The following FEZ2 variants were observed in gnomAD, a reference collection of about 807,000 sequenced individuals.
The protein encoded by FEZ2 is fasciculation and elongation protein zeta-2.
Under a neutral mutation model 40.4 loss-of-function variants are expected in FEZ2, and 51 were observed. The ratio of observed to expected loss-of-function variants is 1.26; its 90% confidence interval spans 1.01 to 1.59. The LOEUF (loss-of-function observed/expected upper bound fraction) is 1.59. FEZ2 is among the 40% of genes most tolerant of loss of function. The probability of loss-of-function intolerance (pLI) is 0.00; values close to 1 mark genes in which losing one functional copy is unlikely to be tolerated. For synonymous variants in FEZ2, 242 were observed against 172.0 expected (o/e 1.41, Z -3.18); for missense variants, 640 against 438.3 (o/e 1.46, Z -4.11).
intron 5 of FEZ2, among the ~76,000 whole-genome samples, chr2:36,566,956 A>ACTCT (rs3841897): frequency 6.6e-6 from 1 of 150,462 alleles, no homozygotes; most frequent in South Asian, 2.1e-4. Flanking sequence ...ACACACACAC[A>ACTCT]CTCTCTCTCT....
intron 2 of FEZ2, among the ~76,000 whole-genome samples, chr2:36,587,218 C>A (rs988113832): frequency 7.9e-5 from 12 of 152,184 alleles, no homozygotes; most frequent in African/African-American, 2.9e-4. Context: ...TCCATGACAA[C>A]AGAAATGATC....
chr2:36,560,292 T>C (rs542112964), intron 5 of FEZ2, among the ~76,000 whole-genome samples: 1 of 152,312 alleles, frequency 6.6e-6, no homozygotes, highest in South Asian at 2.1e-4. Flanking sequence ...GACTATGCAA[T>C]ACACCTTAAA....
chr2:36,578,912 C>G (rs1225692460), intron 4 of FEZ2, 47 bp from the exon 5 acceptor site: 2 of 1,532,254 alleles, frequency 1.3e-6, no homozygotes, highest in Non-Finnish European at 1.8e-6. Context: ...AAAAACATTT[C>G]AAGGAAGCAA....
chr2:36,564,244 T>C (rs895937434), intron 5 of FEZ2, among the ~76,000 whole-genome samples: 6 of 152,240 alleles, frequency 3.9e-5, no homozygotes, highest in African/African-American at 9.6e-5. Context: ...TAATGGCCTA[T>C]TGACAAGCCT....
intron 5 of FEZ2, among the ~76,000 whole-genome samples, chr2:36,577,061 C>T (rs575741228): frequency 2.0e-5 from 3 of 152,242 alleles, no homozygotes; most frequent in Non-Finnish European, 2.9e-5. Flanking sequence ...ATATGAGATG[C>T]AAATGCAAAA....
chr2:36,597,038 T>A (rs1201381630), intron 1 of FEZ2, among the ~76,000 whole-genome samples: 1 of 152,118 alleles, frequency 6.6e-6, no homozygotes, highest in Non-Finnish European at 1.5e-5. Context: ...CTGTAATTAT[T>A]AATATTACTT....
chr2:36,555,519 T>C, intron 7 of FEZ2, 164 bp downstream of exon 7: 1 of 445,350 alleles, frequency 2.2e-6, no homozygotes, highest in Non-Finnish European at 4.1e-6. Flanking sequence ...CCATGATATA[T>C]AATGTTGGTA....
At position 36,590,999 on chromosome 2, in the gene FEZ2, G is replaced by T. The variant is rs200761995; in HGVS notation, c.279C>A (p.Ala93=). ...TCACATTCCCATAATTATCTGTCAG[G>T]GCATTCCAAATCCTTAAAAAGAAGA... ...SLLQGDEIWN[A]LTDNYGNVMP... Residue 93 remains alanine, a synonymous_variant, in exon 2 of 8, where the codon GCC becomes GCA. Transcript: ENST00000405912. 3.6e-3 allele frequency: 5,766 copies of T among 1,601,952 alleles called. 13 individuals are homozygous for T. The highest frequency in any genetic ancestry group is 4.5e-3 in the Non-Finnish European group (5,269 of 1,169,022).
chr2:36,596,997 G>C (rs1022341335), intron 1 of FEZ2, among the ~76,000 whole-genome samples: 2 of 152,050 alleles, frequency 1.3e-5, no homozygotes, highest in African/African-American at 4.8e-5. Flanking sequence ...ATAAAACCCC[G>C]TGAACCTCCT....
chr2:36,581,020 C>T (rs1185149836), intron 4 of FEZ2, among the ~76,000 whole-genome samples: 3 of 152,058 alleles, frequency 2.0e-5, no homozygotes, highest in Non-Finnish European at 4.4e-5. Flanking sequence ...GGCGTGGTGG[C>T]GGGCACCTGT....
At chr2:36,587,155 T>C (rs1668925386) in intron 2 of FEZ2, among the ~76,000 whole-genome samples, 1 of 152,226 alleles carries the variant, frequency 6.6e-6, no homozygotes. Flanking sequence ...AGATTTAGAA[T>C]AGGGTTATGG....
chr2:36,558,540 C>G, intron 5 of FEZ2, 27 bp from the exon 6 acceptor site: 1 of 1,379,308 alleles, frequency 7.3e-7, no homozygotes, highest in Non-Finnish European at 9.8e-7. Flanking sequence ...AAAAAAGTGT[C>G]ACTTAAATCG....
intron 5 of FEZ2, among the ~76,000 whole-genome samples, chr2:36,576,400 G>C (rs1009290476): frequency 2.0e-5 from 3 of 152,104 alleles, no homozygotes; most frequent in African/African-American, 7.2e-5. Flanking sequence ...CTCCCGAGTA[G>C]CTGGGATTAC....
intron 1 of FEZ2, among the ~76,000 whole-genome samples, chr2:36,597,304 T>C (rs1277682323): frequency 2.0e-5 from 3 of 152,344 alleles, no homozygotes; most frequent in South Asian, 2.1e-4. Flanking sequence ...CATTTCTTTA[T>C]AAAGTCGTTC....
At chr2:36,591,142 GA>G in intron 1 of FEZ2, 131 bp from the exon 2 acceptor site, 1 of 649,180 alleles carries the variant, frequency 1.5e-6, no homozygotes, top group Admixed American at 2.8e-5. Flanking sequence ...TTGTTTCTCA[GA>G]AAAACATCAA....
intron 4 of FEZ2, among the ~76,000 whole-genome samples, chr2:36,579,789 C>T (rs1668680260): frequency 1.3e-5 from 2 of 152,190 alleles, no homozygotes; most frequent in South Asian, 2.1e-4. Context: ...GAACAATATT[C>T]CCTGAAACCC....
chr2:36,583,322 T>A (rs200545446), intron 3 of FEZ2, 31 bp downstream of exon 3: 29,666 of 1,162,926 alleles, frequency 0.026, 719 homozygotes, highest in South Asian at 0.092. Flanking sequence ...AGAGTCTCCT[T>A]TCCTTGCGTT....
chr2:36,591,245 C>G, intron 1 of FEZ2: 2 of 529,930 alleles, frequency 3.8e-6, no homozygotes, highest in South Asian at 2.2e-5. Flanking sequence ...GTACAGAAAA[C>G]TGCCAATAGG....
chr2:36,596,179 G>C (rs1226667531), intron 1 of FEZ2, among the ~76,000 whole-genome samples: 2 of 152,092 alleles, frequency 1.3e-5, no homozygotes, highest in African/African-American at 4.8e-5. Context: ...TCTACACCTG[G>C]GCAGAACACT....
Sources: gnomAD v4.1 joint callset for allele counts (sites outside exome capture counted in the v4.1 genomes callset) on GRCh38, gnomAD v4.1.1 for gene constraint, MANE v1.5 for transcripts, NCBI Gene and HGNC (gene_info 2026-07-23, HGNC 2026-07-21) for gene names.